CRISPLD2: variants seen among roughly 807,000 people sequenced by gnomAD.
CRISPLD2 encodes cysteine-rich secretory protein LCCL domain-containing 2.
In CRISPLD2, 47 loss-of-function variants were observed where a neutral mutation model predicts 71.1. The observed-to-expected ratio is 0.66, with a 90% CI of 0.52 to 0.84. The LOEUF (loss-of-function observed/expected upper bound fraction) is 0.84, where lower values mean the gene tolerates loss of function less well. Among genes scored for constraint, CRISPLD2 ranks in the 40% least tolerant of loss-of-function variants. CRISPLD2 has a pLI of 0.00. For missense variants in CRISPLD2, 830 were observed against 651.1 expected (o/e 1.27, Z -2.99); for synonymous variants, 317 against 250.1 (o/e 1.27, Z -2.52).
At position 84,884,295 on chromosome 16, in the gene CRISPLD2, A is replaced by C. The variant is rs114939061; in HGVS notation, c.1305+3711A>C. ...CAAGGTGTGAGCCCCCCTGCCCCTC[A>C]GTCACCTGAGTGTTCAAAGCGATTG... On this transcript the variant is annotated intron_variant, in intron 13 of 14. Coordinates refer to ENST00000262424, the MANE Select transcript of CRISPLD2 (RefSeq NM_031476.4). 4.1e-3 allele frequency among the ~76,000 whole-genome samples: 617 copies of C among 151,402 alleles called. 1 individual carries two copies. The highest frequency in any genetic ancestry group is 0.014 in the African/African-American group (575 of 41,250).
At position 84,871,558 on chromosome 16, in the gene CRISPLD2, T is replaced by G. The variant is rs116145630; in HGVS notation, c.915-884T>G. 2.8e-3 allele frequency among the ~76,000 whole-genome samples: 430 copies of G among 152,154 alleles called. 3 individuals carry two copies. The highest frequency in any genetic ancestry group is 7.6e-3 in the African/African-American group (316 of 41,528). Reference sequence around the variant, plus strand: ...TTTCTTGGGGTTTTGTTTGTTTGTTTGTTGGTTTGTTGAGACTGAGTCTTG... The same window carrying G: ...TTTCTTGGGGTTTTGTTTGTTTGTTGGTTGGTTTGTTGAGACTGAGTCTTG... On this transcript the variant is annotated intron_variant, in intron 8 of 14. Coordinates refer to ENST00000262424, the MANE Select transcript of CRISPLD2 (RefSeq NM_031476.4).
intron 14 of CRISPLD2, among the ~76,000 whole-genome samples, chr16:84,902,366 T>C (rs1357500348): frequency 6.6e-6 from 1 of 151,446 alleles, no homozygotes; most frequent in African/African-American, 2.4e-5. Context: ...TTCCAGCACT[T>C]TGGGAGGCCG....
At position 84,873,080 on chromosome 16, in the gene CRISPLD2, C is replaced by A; in HGVS notation, c.1070C>A (p.Pro357His). Residue 357 changes from proline (P) to histidine (H), a missense_variant, in exon 10 of 15, where the codon CCC (proline) becomes CAC (histidine). Pro to His is a moderately conservative substitution (Grantham distance 77, BLOSUM62 -2). Transcript: ENST00000262424. ...LVDITRNGKV[P>H]FFVKSERHGV... ...GATATCACCAGGAACGGGAAGGTCC[C>A]CTTCTTCGTGAAGTCTGAGAGACAC... 1 of 1,614,032 alleles carries A rather than the reference C, an allele frequency of 6.2e-7. No homozygotes were observed.
intron 14 of CRISPLD2, among the ~76,000 whole-genome samples, chr16:84,895,914 C>A (rs2071701701): frequency 6.6e-6 from 1 of 152,084 alleles, no homozygotes; most frequent in Non-Finnish European, 1.5e-5. Context: ...GAAACTGAGG[C>A]TCAGAGAAAA....
chr16:84,849,718 A>AGT (rs201341979), intron 4 of CRISPLD2, among the ~76,000 whole-genome samples: 15,388 of 94,742 alleles, frequency 0.16, 872 homozygotes, highest in Admixed American at 0.24. Context: ...AGCACTACAA[A>AGT]CTCTTTTTTT....
chr16:84,878,716 T>C (rs2071542742), intron 12 of CRISPLD2, among the ~76,000 whole-genome samples: 2 of 148,210 alleles, frequency 1.3e-5, no homozygotes, highest in African/African-American at 5.3e-5. Flanking sequence ...CACAGGAACA[T>C]CCTCTTATTT....
intron 5 of CRISPLD2, among the ~76,000 whole-genome samples, chr16:84,851,425 C>G (rs1024495301): frequency 1.3e-5 from 2 of 151,290 alleles, no homozygotes; most frequent in East Asian, 2.0e-4. Flanking sequence ...TGGCCACCGC[C>G]GTTCTTGCCC....
intron 14 of CRISPLD2, among the ~76,000 whole-genome samples, chr16:84,896,060 A>G (rs2071703151): frequency 1.4e-5 from 2 of 144,830 alleles, no homozygotes; most frequent in African/African-American, 5.2e-5. Flanking sequence ...TTTTTTGGAG[A>G]TGGAGTCTCC....
chr16:84,861,294 C>G (rs772084955), intron 6 of CRISPLD2, among the ~76,000 whole-genome samples: 1 of 152,008 alleles, frequency 6.6e-6, no homozygotes, highest in Non-Finnish European at 1.5e-5. Context: ...CTGTATTCGT[C>G]GGGGTTCTCT....
At position 84,905,726 on chromosome 16, in the gene CRISPLD2, G is replaced by A. The variant is rs1461581862; in HGVS notation, c.1440-862G>A. Among the ~76,000 whole-genome samples the A allele has an allele frequency of 8.7e-5, 7 of 80,480 alleles. No homozygotes were observed. In the Admixed American group the frequency reaches 9.5e-4, roughly 11 times the overall value. The allele number at this position is 80,480 out of a possible 152,430, so 52.8% of individuals were successfully genotyped here. A position where few individuals can be genotyped will look rare whatever the true frequency, so the allele number is the denominator to read the frequency against. ...AAAGCTCTTTTTTTTTTTTTTTTTTGGAGACAAAGTCTTACTCTTGTCCCC... is the reference window on the plus strand; with the variant it reads ...AAAGCTCTTTTTTTTTTTTTTTTTTAGAGACAAAGTCTTACTCTTGTCCCC... On this transcript the variant is annotated intron_variant, in intron 14 of 14. Coordinates refer to ENST00000262424, the MANE Select transcript of CRISPLD2 (RefSeq NM_031476.4).
chr16:84,879,729 C>A (rs1440830616), intron 12 of CRISPLD2, among the ~76,000 whole-genome samples: 2 of 152,082 alleles, frequency 1.3e-5, no homozygotes, highest in Non-Finnish European at 2.9e-5. Flanking sequence ...TTCCTCCCAG[C>A]CCCTAAGAAC....
intron 2 of CRISPLD2, among the ~76,000 whole-genome samples, chr16:84,844,426 C>G (rs1039407393): frequency 2.0e-5 from 3 of 152,198 alleles, no homozygotes; most frequent in African/African-American, 7.2e-5. Flanking sequence ...TACATTCACA[C>G]TGTTGTGCAA....
chr16:84,854,365 A>C (rs978855394), intron 5 of CRISPLD2, among the ~76,000 whole-genome samples: 1 of 152,126 alleles, frequency 6.6e-6, no homozygotes, highest in African/African-American at 2.4e-5. Flanking sequence ...GAAATGGCTT[A>C]AAAGGGGGTC....
At chr16:84,822,925 C>T (rs932322063) in intron 1 of CRISPLD2, among the ~76,000 whole-genome samples, 2 of 152,216 alleles carry the variant, frequency 1.3e-5, no homozygotes, top group Non-Finnish European at 1.5e-5. Context: ...AATTCAGTGG[C>T]GTTTAGTACA....
chr16:84,847,073 A>G (rs993313356), intron 3 of CRISPLD2, among the ~76,000 whole-genome samples: 7 of 152,266 alleles, frequency 4.6e-5, no homozygotes, highest in African/African-American at 1.7e-4. Flanking sequence ...TCACGTCCTC[A>G]GACCCATCCA....
Position 84,889,292 on chromosome 16 carries a change from C to A in CRISPLD2, c.1368C>A (p.Asp456Glu). ...AGVISNESGGDVDVMPVDKKK... is the reference protein window; with the variant it reads ...AGVISNESGGEVDVMPVDKKK... ...TCATCAGCAACGAGAGTGGGGGTGA[C>A]GTGGACGTGATGCCCGTGGATAAAA... is the stretch of plus-strand genomic sequence containing the variant. Residue 456 changes from aspartate (D) to glutamate (E), a missense_variant, in exon 14 of 15, where the codon GAC becomes GAA. Physicochemically the swap from Asp to Glu is conservative, Grantham distance 45 (BLOSUM62 2). Coordinates refer to ENST00000262424, the MANE Select transcript of CRISPLD2 (RefSeq NM_031476.4). 6.2e-7 allele frequency: 1 copy of A among 1,614,014 alleles called. No homozygotes were observed. The highest frequency in any genetic ancestry group is 1.1e-5 in the South Asian group (1 of 91,070).
chr16:84,869,753 G>A (rs542505213), intron 8 of CRISPLD2, among the ~76,000 whole-genome samples: 171 of 152,390 alleles, frequency 1.1e-3, no homozygotes, highest in Admixed American at 1.7e-3. Flanking sequence ...GGCCTCCGCC[G>A]TGTGCACTGC....
At chr16:84,855,548 GC>G (rs79342362) in intron 6 of CRISPLD2, among the ~76,000 whole-genome samples, 31,572 of 152,114 alleles carry the variant, frequency 0.21, 3,816 homozygotes, top group East Asian at 0.53. Flanking sequence ...ATTAGTTGGT[GC>G]CCACCCAGAT....
intron 6 of CRISPLD2, among the ~76,000 whole-genome samples, chr16:84,860,343 T>C: frequency 6.6e-6 from 1 of 152,220 alleles, no homozygotes; most frequent in East Asian, 1.9e-4. Flanking sequence ...CCCATGACTA[T>C]TCTCCAGATT....
Sources: gnomAD v4.1 joint callset for allele counts (sites outside exome capture counted in the v4.1 genomes callset) on GRCh38, gnomAD v4.1.1 for gene constraint, MANE v1.5 for transcripts, NCBI Gene and HGNC (gene_info 2026-07-23, HGNC 2026-07-21) for gene names.